Variants in KCNN2 observed in about 807,000 individuals in gnomAD.
The protein encoded by KCNN2 is potassium calcium-activated channel subfamily N member 2, also known as small conductance calcium-activated potassium channel protein 2.
In KCNN2, 24 loss-of-function variants were observed where a neutral mutation model predicts 55.5. That is an observed-to-expected ratio of 0.43 (90% confidence interval 0.31 to 0.61). KCNN2 has a LOEUF of 0.61. KCNN2 is among the 20% of genes least tolerant of loss of function. The pLI, the probability that KCNN2 is intolerant of heterozygous loss-of-function variation, is 0.08. For synonymous variants in KCNN2, 431 were observed against 336.1 expected, an observed-to-expected ratio of 1.28 and a Z score of -3.09; for missense variants, 754 against 853.6, an observed-to-expected ratio of 0.88 and a Z score of 1.45.
intron 2 of KCNN2, among the ~76,000 whole-genome samples, chr5:114,228,305 CAAT>C (rs1754283978): frequency 6.6e-6 from 1 of 151,876 alleles, no homozygotes; most frequent in Admixed American, 6.6e-5. Context: ...ATGAAGTAAA[CAAT>C]AGATTTATGT....
At chr5:114,274,034 G>T (rs1044070021) in intron 2 of KCNN2, among the ~76,000 whole-genome samples, 2 of 152,090 alleles carry the variant, frequency 1.3e-5, no homozygotes, top group African/African-American at 2.4e-5. Flanking sequence ...TAAGGAAGGG[G>T]TCCAGTTTCA....
At chr5:114,355,350 T>G (rs1757278028) in intron 2 of KCNN2, among the ~76,000 whole-genome samples, 1 of 152,148 alleles carries the variant, frequency 6.6e-6, no homozygotes, top group Admixed American at 6.6e-5. Flanking sequence ...TAACACTGTA[T>G]GGAAGAAGAA....
intron 1 of KCNN2, among the ~76,000 whole-genome samples, chr5:114,117,756 A>G (rs1751735197): frequency 1.3e-5 from 2 of 152,192 alleles, no homozygotes; most frequent in African/African-American, 4.8e-5. Context: ...TTAACAATGT[A>G]AGTAGTCCTT....
At chr5:114,401,206 A>C (rs1174063922) in intron 2 of KCNN2, among the ~76,000 whole-genome samples, 1 of 152,150 alleles carries the variant, frequency 6.6e-6, no homozygotes, top group Non-Finnish European at 1.5e-5. Context: ...ATATGCTATG[A>C]TAAAAAAAAA....
intron 3 of KCNN2, among the ~76,000 whole-genome samples, chr5:114,409,187 C>T (rs1035136062): frequency 2.0e-5 from 3 of 152,094 alleles, no homozygotes; most frequent in South Asian, 2.1e-4. Flanking sequence ...CCCAACGTAA[C>T]GTTTTATCAT....
intron 1 of KCNN2, among the ~76,000 whole-genome samples, chr5:114,192,419 T>C (rs1057043907): frequency 6.6e-6 from 1 of 152,160 alleles, no homozygotes; most frequent in Non-Finnish European, 1.5e-5. Context: ...TATGTATGTA[T>C]GGATAACATT....
chr5:114,056,336 C>A, exon 1 of KCNN2: 1 of 398,626 alleles, frequency 2.5e-6, no homozygotes, highest in Admixed American at 4.4e-5. Context: ...GCTAGGACTC[C>A]TGATTCTTCT....
intron 1 of KCNN2, among the ~76,000 whole-genome samples, chr5:114,138,555 G>C (rs904095667): frequency 2.6e-5 from 4 of 152,104 alleles, no homozygotes; most frequent in South Asian, 2.1e-4. Flanking sequence ...CCAAATCTCT[G>C]TTTCTCTTTG....
intron 3 of KCNN2, among the ~76,000 whole-genome samples, chr5:114,414,679 G>A (rs988483315): frequency 6.6e-6 from 1 of 152,154 alleles, no homozygotes; most frequent in Non-Finnish European, 1.5e-5. Context: ...TAAAGTCAAA[G>A]CCATTTTGGG....
chr5:114,334,382 G>C (rs1418845396), intron 2 of KCNN2, among the ~76,000 whole-genome samples: 1 of 151,392 alleles, frequency 6.6e-6, no homozygotes, highest in Non-Finnish European at 1.5e-5. Context: ...CAGGCTCTTT[G>C]TCTAAAAAAT....
At chr5:114,318,348 G>A (rs1221805799) in intron 2 of KCNN2, among the ~76,000 whole-genome samples, 1 of 151,932 alleles carries the variant, frequency 6.6e-6, no homozygotes, top group East Asian at 1.9e-4. Context: ...ACTCATTGTT[G>A]TTTGTTTGAT....
At chr5:114,371,214 T>C (rs888713718) in intron 2 of KCNN2, among the ~76,000 whole-genome samples, 3 of 152,130 alleles carry the variant, frequency 2.0e-5, no homozygotes, top group African/African-American at 7.2e-5. Context: ...TAGCATAATA[T>C]ATTTGAAATT....
At chr5:114,458,388 A>C (rs1432531960) in intron 3 of KCNN2, among the ~76,000 whole-genome samples, 1 of 152,212 alleles carries the variant, frequency 6.6e-6, no homozygotes, top group African/African-American at 2.4e-5. Flanking sequence ...AGATCTTGGA[A>C]CATAACACGA....
At chr5:114,107,205 A>C (rs2112577609) in intron 1 of KCNN2, among the ~76,000 whole-genome samples, 1 of 152,164 alleles carries the variant, frequency 6.6e-6, no homozygotes, top group East Asian at 1.9e-4. Context: ...GTAATCATAC[A>C]TGTTTGAGGC....
intron 1 of KCNN2, among the ~76,000 whole-genome samples, chr5:114,177,706 GCTAA>G (rs1343377132): frequency 2.0e-5 from 3 of 151,860 alleles, no homozygotes; most frequent in Non-Finnish European, 2.9e-5. Context: ...TTAAAATTGT[GCTAA>G]CTGTGAAAAT....
At chr5:114,384,742 G>A (rs922021844) in intron 2 of KCNN2, among the ~76,000 whole-genome samples, 3 of 152,138 alleles carry the variant, frequency 2.0e-5, no homozygotes, top group Admixed American at 6.5e-5. Flanking sequence ...ACTGGCTGGA[G>A]CATACACAGT....
chr5:114,375,131 A>G (rs1056485720), intron 2 of KCNN2, among the ~76,000 whole-genome samples: 4 of 152,184 alleles, frequency 2.6e-5, no homozygotes, highest in African/African-American at 9.6e-5. Flanking sequence ...CACAAGGTTA[A>G]AAATTGCATG....
intron 6 of KCNN2, chr5:114,490,652 C>A (rs952212715): frequency 7.5e-6 from 3 of 398,010 alleles, no homozygotes; most frequent in Admixed American, 4.4e-5. Context: ...AGTTTCTTTT[C>A]TTTTGTTTTG....
At chr5:114,204,983 A>T (rs565937756) in intron 1 of KCNN2, among the ~76,000 whole-genome samples, 35 of 152,372 alleles carry the variant, frequency 2.3e-4, no homozygotes, top group African/African-American at 8.4e-4. Context: ...GAGGAGAGCT[A>T]AGAGAACATA....
Sources: allele counts gnomAD v4.1 joint callset (sites outside exome capture counted in the v4.1 genomes callset), GRCh38; gene constraint gnomAD v4.1.1; transcripts MANE v1.5; gene names NCBI Gene and HGNC (gene_info 2026-07-23, HGNC 2026-07-21).